Variants in DUSP11 observed in about 807,000 individuals in gnomAD.
DUSP11 encodes the protein RNA/RNP complex-1-interacting phosphatase.
DUSP11 carries 27 observed loss-of-function variants against 41.4 expected under a neutral mutation model. The ratio of observed to expected loss-of-function variants is 0.65; its 90% CI spans 0.48 to 0.90. The LOEUF (loss-of-function observed/expected upper bound fraction) is 0.90, where lower values mean the gene tolerates loss of function less well. Ranked by LOEUF, DUSP11 falls within the 40% of genes least tolerant of loss-of-function variation. The pLI, the probability that DUSP11 is intolerant of heterozygous loss-of-function variation, is 0.00. For synonymous variants in DUSP11, 188 were observed against 159.3 expected (o/e 1.18, Z -1.35); for missense variants, 465 against 461.1 (o/e 1.01, Z -0.08).
At chr2:73,768,103 A>G (rs935706839) in intron 5 of DUSP11, 3 of 152,140 alleles carry the variant, frequency 2.0e-5, no homozygotes, top group African/African-American at 7.2e-5. Context: ...TCCTGTTAAT[A>G]TGGTCTCTGC....
intron 8 of DUSP11, 108 bp from the exon 9 acceptor site, chr2:73,762,967 A>C (rs1219049665): frequency 4.6e-6 from 2 of 438,500 alleles, no homozygotes; most frequent in Non-Finnish European, 6.9e-6. Context: ...TAAATTTACA[A>C]AATAATATAT....
At chr2:73,774,883 A>G in intron 3 of DUSP11, 30 bp downstream of exon 3, 1 of 1,491,982 alleles carries the variant, frequency 6.7e-7, no homozygotes. Flanking sequence ...AGAAGGAAGA[A>G]AGTTCTTTTC....
chr2:73,772,524 A>T (rs1672603186), intron 4 of DUSP11, among the ~76,000 whole-genome samples: 1 of 152,228 alleles, frequency 6.6e-6, no homozygotes, highest in African/African-American at 2.4e-5. Flanking sequence ...AAGATTTAAA[A>T]ATGTGTTCTC....
At chr2:73,762,362 A>T (rs1446431188) in exon 9 of DUSP11, 1 of 199,132 alleles carries the variant, frequency 5.0e-6, no homozygotes, top group Non-Finnish European at 1.0e-5. Flanking sequence ...AGAAATACAT[A>T]GAAAAACAAG....
intron 3 of DUSP11, 57 bp downstream of exon 3, chr2:73,774,856 T>C (rs1672649494): frequency 1.4e-6 from 2 of 1,399,206 alleles, no homozygotes; most frequent in Admixed American, 2.4e-5. Context: ...TGAATTACTA[T>C]AAATTATTTT....
intron 1 of DUSP11, among the ~76,000 whole-genome samples, chr2:73,779,304 G>T (rs1160761597): frequency 3.3e-5 from 5 of 152,180 alleles, no homozygotes; most frequent in African/African-American, 9.7e-5. Flanking sequence ...GATTTATTGA[G>T]GTATGAGATG....
intron 4 of DUSP11, among the ~76,000 whole-genome samples, chr2:73,772,837 T>C (rs540194812): frequency 6.6e-6 from 1 of 152,350 alleles, no homozygotes; most frequent in Admixed American, 6.5e-5. Context: ...CCAGTCTCTA[T>C]CTCTCACCTT....
At chr2:73,765,573 T>TATCC (rs747641644) in intron 8 of DUSP11, among the ~76,000 whole-genome samples, 3,110 of 151,580 alleles carry the variant, frequency 0.021, 33 homozygotes, top group East Asian at 0.068. Context: ...CCCATCCATC[T>TATCC]ATCCATCCAT....
chr2:73,777,662 C>A lies in DUSP11; in HGVS notation c.318+639G>T, dbSNP rs202241807. On this transcript the variant is annotated intron_variant, in intron 2 of 8. Coordinates refer to ENST00000272444, the Ensembl canonical transcript of DUSP11. Reference sequence around the variant, plus strand: ...ACTGGCATTCAGTGGGTAAGGGTTACAAATTCTAAACAACTTGCCAAATTC... The same window carrying A: ...ACTGGCATTCAGTGGGTAAGGGTTAAAAATTCTAAACAACTTGCCAAATTC... 1.8e-4 allele frequency among the ~76,000 whole-genome samples: 27 copies of A among 152,326 alleles called. No homozygotes were observed. The East Asian group carries it at 4.8e-3, about 27-fold the overall frequency.
rs1558534881 is a variant in DUSP11, at chr2:73,774,946, ATCAATAATCAGTC to A, written c.404_416del (p.Gly135ValfsTer2). The A allele has an allele frequency of 6.2e-7, 1 of 1,610,472 alleles. No individual in the cohort carries two copies. Among genetic ancestry groups the A allele is most frequent in the Non-Finnish European group, 8.5e-7 (1 of 1,177,994 alleles). On this transcript the variant is annotated frameshift_variant, in exon 3 of 9. Transcript: ENST00000272444. LOFTEE classifies it high-confidence loss of function. ...TATAATAGCGTTGAGTATATGTTAA[ATCAATAATCAGTC>A]CAAGTTCTTCATTTTGTTCTCGGAT... is the stretch of plus-strand genomic sequence containing the variant.
chr2:73,780,051 G>A lies in DUSP11; in HGVS notation c.65C>T (p.Ser22Phe), dbSNP rs574278061. Residue 22 changes from serine (S) to phenylalanine (F), a missense_variant, in exon 1 of 9, where the codon TCT becomes TTT. By Grantham distance (155) the Ser-to-Phe change is radical (BLOSUM62 -2). Coordinates refer to ENST00000272444, the Ensembl canonical transcript of DUSP11. ...TCCGGCGCCCTCAATGCCAGGATAA[G>A]ACCCTAAACAGGAAAAGACTCGGCA... The A allele has an allele frequency of 5.6e-6, 9 of 1,612,000 alleles. No individual in the cohort carries two copies. In the African/African-American group the frequency reaches 9.3e-5, roughly 17 times the overall value.
In DUSP11 at chr2:73,773,926, A is replaced by G; in HGVS notation, c.451-3T>C. On this transcript the variant is annotated splice_region_variant and splice_polypyrimidine_tract_variant and intron_variant, in intron 3 of 8. Coordinates refer to ENST00000272444, the Ensembl canonical transcript of DUSP11. ...TAAGGAACAGTTTCTGGCAAATCCT[A>G]TAAAGCAAAACCATAAAAGATGTGT... 1.9e-6 allele frequency: 3 copies of G among 1,581,434 alleles called. No homozygotes were observed. Among genetic ancestry groups the G allele is most frequent in the South Asian group, 2.3e-5 (2 of 85,792 alleles).
chr2:73,764,965 C>A (rs749946039), intron 8 of DUSP11, among the ~76,000 whole-genome samples: 6 of 151,278 alleles, frequency 4.0e-5, no homozygotes, highest in African/African-American at 1.5e-4. Context: ...GACTCTGTCA[C>A]CAAAAAAAAA....
chr2:73,776,406 A>G (rs1672686633), intron 2 of DUSP11, among the ~76,000 whole-genome samples: 1 of 122,848 alleles, frequency 8.1e-6, no homozygotes, highest in Non-Finnish European at 1.7e-5. Flanking sequence ...CAAGCGAGAC[A>G]CCATCTCAAA....
Position 73,773,748 on chromosome 2 carries a change from C to T in DUSP11, c.574+52G>A, listed in dbSNP as rs966661273. On this transcript the variant is annotated intron_variant, in intron 4 of 8. Coordinates refer to ENST00000272444, the Ensembl canonical transcript of DUSP11. ...GAACTATAAAAAAATACCAAAAATCCCCAACCCCATTCATAATGCACACCA... is the reference window on the plus strand; with the variant it reads ...GAACTATAAAAAAATACCAAAAATCTCCAACCCCATTCATAATGCACACCA... 2.7e-5 allele frequency: 42 copies of T among 1,534,088 alleles called. No homozygotes were observed. The Admixed American group carries it at 8.2e-4, about 30-fold the overall frequency.
intron 4 of DUSP11, among the ~76,000 whole-genome samples, chr2:73,772,008 G>A (rs1483751048): frequency 2.7e-5 from 4 of 150,004 alleles, no homozygotes; most frequent in African/African-American, 7.4e-5. Context: ...TTTTAGTAGA[G>A]ATGGGGTTTC....
chr2:73,777,875 A>G lies in DUSP11; in HGVS notation c.318+426T>C, dbSNP rs774476630. Reference sequence around the variant, plus strand: ...AATTTTCCAGGATAATAATCACCTTATCAACCAAATGAAGATTATACTTTG... The same window carrying G: ...AATTTTCCAGGATAATAATCACCTTGTCAACCAAATGAAGATTATACTTTG... On this transcript the variant is annotated intron_variant, in intron 2 of 8. Transcript: ENST00000272444. 8.3e-4 allele frequency among the ~76,000 whole-genome samples: 127 copies of G among 152,228 alleles called. 1 individual carries two copies. Among genetic ancestry groups the G allele is most frequent in the Non-Finnish European group, 2.5e-4 (17 of 68,046 alleles).
intron 5 of DUSP11, chr2:73,768,091 T>C (rs902868365): frequency 1.3e-5 from 2 of 152,248 alleles, no homozygotes; most frequent in Non-Finnish European, 2.9e-5. Flanking sequence ...CAGTATATAT[T>C]TTCCTGTTAA....
intron 1 of DUSP11, chr2:73,779,366 G>A (rs1357580266): frequency 1.2e-5 from 2 of 166,874 alleles, no homozygotes; most frequent in Non-Finnish European, 2.7e-5. Flanking sequence ...TACGTGCAAA[G>A]TCTCAAAATT....
Sources: gnomAD v4.1 joint callset for allele counts (sites outside exome capture counted in the v4.1 genomes callset) on GRCh38, gnomAD v4.1.1 for gene constraint, MANE v1.5 for transcripts, NCBI Gene and HGNC (gene_info 2026-07-23, HGNC 2026-07-21) for gene names.